BRD10: variants seen among roughly 807,000 people sequenced by gnomAD.
BRD10 encodes uncharacterized bromodomain-containing protein 10.
the BRD10 span, among the ~76,000 whole-genome samples, chr9:6,002,141 G>A: frequency 6.6e-6 from 1 of 152,178 alleles, no homozygotes; most frequent in Non-Finnish European, 1.5e-5. Flanking sequence ...CTTTTACTAT[G>A]CCTGTATATG....
At chr9:5,972,678 AG>A in the BRD10 span, among the ~76,000 whole-genome samples, 1 of 152,214 alleles carries the variant, frequency 6.6e-6, no homozygotes, top group Non-Finnish European at 1.5e-5. Context: ...TGCTAGGAGT[AG>A]AAGCAGTCTG....
the BRD10 span, among the ~76,000 whole-genome samples, chr9:5,886,651 G>T: frequency 6.6e-6 from 1 of 152,208 alleles, no homozygotes; most frequent in Non-Finnish European, 1.5e-5. Flanking sequence ...GAAGCCACTT[G>T]GAAGTGTTGA....
At chr9:5,917,351 T>C in the BRD10 span, among the ~76,000 whole-genome samples, 1 of 152,100 alleles carries the variant, frequency 6.6e-6, no homozygotes, top group Non-Finnish European at 1.5e-5. Flanking sequence ...GTGTCTTGAA[T>C]TTTCTAGAAA....
the BRD10 span, chr9:5,969,195 T>C: frequency 6.2e-7 from 1 of 1,613,804 alleles, no homozygotes; most frequent in South Asian, 1.1e-5. Context: ...AATAGAGAAG[T>C]CATTATTTTC....
the BRD10 span, among the ~76,000 whole-genome samples, chr9:5,962,242 C>G: frequency 6.7e-6 from 1 of 149,224 alleles, no homozygotes. Flanking sequence ...ACCGATCCCA[C>G]AGAAATACAA....
At chr9:5,923,048 G>T in the BRD10 span, 1 of 1,613,992 alleles carries the variant, frequency 6.2e-7, no homozygotes, top group Non-Finnish European at 8.5e-7. Flanking sequence ...CTCTGGAAAT[G>T]ATGGCTCTGT....
At chr9:6,008,293 C>A in the BRD10 span, 7 of 984,804 alleles carry the variant, frequency 7.1e-6, no homozygotes, top group Non-Finnish European at 8.4e-6. Context: ...GCGGGGGACA[C>A]GGGCAGAAGG....
At chr9:5,925,705 T>A in the BRD10 span, among the ~76,000 whole-genome samples, 1 of 152,184 alleles carries the variant, frequency 6.6e-6, no homozygotes, top group South Asian at 2.1e-4. Context: ...AAATTATGCC[T>A]AGGAAAACAA....
At chr9:5,918,286 T>G in the BRD10 span, among the ~76,000 whole-genome samples, 1 of 152,212 alleles carries the variant, frequency 6.6e-6, no homozygotes, top group African/African-American at 2.4e-5. Context: ...TGCTTCCATA[T>G]CATTTCCAAC....
At chr9:5,903,543 T>G in the BRD10 span, among the ~76,000 whole-genome samples, 3 of 152,228 alleles carry the variant, frequency 2.0e-5, no homozygotes, top group African/African-American at 7.2e-5. Flanking sequence ...TCCTTACTGA[T>G]TTTTTACCTG....
At chr9:5,912,897 T>C in the BRD10 span, among the ~76,000 whole-genome samples, 1 of 152,232 alleles carries the variant, frequency 6.6e-6, no homozygotes, top group African/African-American at 2.4e-5. Flanking sequence ...CATTTTCCAC[T>C]TGCCCATATT....
chr9:5,968,740 T>A, the BRD10 span: 4 of 1,613,792 alleles, frequency 2.5e-6, no homozygotes, highest in Non-Finnish European at 3.4e-6. Flanking sequence ...TTTTAATGGG[T>A]GGAATTGGAA....
the BRD10 span, among the ~76,000 whole-genome samples, chr9:5,883,016 G>A: frequency 1.3e-5 from 2 of 152,244 alleles, no homozygotes; most frequent in Admixed American, 1.3e-4. Flanking sequence ...TTGTGGAGTG[G>A]GGGGCTGGGG....
the BRD10 span, among the ~76,000 whole-genome samples, chr9:5,903,418 G>A: frequency 6.6e-6 from 1 of 152,140 alleles, no homozygotes; most frequent in Admixed American, 6.5e-5. Context: ...TTGCTAATAT[G>A]TTGTTGAGTT....
chr9:5,925,980 C>T, the BRD10 span, among the ~76,000 whole-genome samples: 6,786 of 152,236 alleles, frequency 0.045, 436 homozygotes, highest in African/African-American at 0.14. Context: ...TGGAGTGGCA[C>T]AATCTCGGCT....
the BRD10 span, chr9:5,923,015 A>G: frequency 4.3e-6 from 7 of 1,614,014 alleles, no homozygotes; most frequent in South Asian, 7.7e-5. Flanking sequence ...AGACACTGGT[A>G]CTGAATCCAA....
chr9:5,960,272 TAAC>T, the BRD10 span, among the ~76,000 whole-genome samples: 21 of 152,220 alleles, frequency 1.4e-4, no homozygotes, highest in Admixed American at 3.3e-4. Context: ...GTGAAAATAA[TAAC>T]TACTGGCCGG....
chr9:5,887,981 T>G, the BRD10 span, among the ~76,000 whole-genome samples: 1 of 152,216 alleles, frequency 6.6e-6, no homozygotes, highest in South Asian at 2.1e-4. Context: ...GACTATCCAG[T>G]ATCTGGTGGG....
chr9:5,959,355 T>C, the BRD10 span, among the ~76,000 whole-genome samples: 2 of 152,200 alleles, frequency 1.3e-5, no homozygotes, highest in Non-Finnish European at 2.9e-5. Context: ...CTGTGTGACT[T>C]TGGACAAATA....
Sources: allele counts gnomAD v4.1 joint callset (sites outside exome capture counted in the v4.1 genomes callset), GRCh38; gene constraint gnomAD v4.1.1; transcripts MANE v1.5; gene names NCBI Gene and HGNC (gene_info 2026-07-23, HGNC 2026-07-21).